Variants in IMMP2L observed in about 807,000 individuals in gnomAD.
IMMP2L encodes inner mitochondrial membrane peptidase subunit 2.
A neutral mutation model predicts 19.3 loss-of-function variants in IMMP2L; 18 were observed. That is an observed-to-expected ratio of 0.93 (90% CI 0.64 to 1.38). The LOEUF is 1.38. Ranked by LOEUF, IMMP2L falls within the 40% of genes most tolerant of loss-of-function variation. The pLI is 0.00. For synonymous variants in IMMP2L, 76 were observed against 73.0 expected (o/e 1.04, Z -0.21); for missense variants, 233 against 218.2 (o/e 1.07, Z -0.43).
intron 5 of IMMP2L, among the ~76,000 whole-genome samples, chr7:110,778,093 A>G (rs1458942875): frequency 1.3e-5 from 2 of 151,972 alleles, no homozygotes; most frequent in African/African-American, 4.8e-5. Context: ...GAGCCACCAA[A>G]TGAAGGCAAA....
chr7:111,345,314 G>A (rs1827428765), intron 3 of IMMP2L, among the ~76,000 whole-genome samples: 1 of 151,966 alleles, frequency 6.6e-6, no homozygotes, highest in Non-Finnish European at 1.5e-5. Flanking sequence ...ACATGATCAG[G>A]TTCATTTCCT....
intron 3 of IMMP2L, among the ~76,000 whole-genome samples, chr7:111,016,840 T>TAC (rs1825705289): frequency 2.0e-5 from 1 of 49,934 alleles, no homozygotes; most frequent in Non-Finnish European, 4.0e-5. Context: ...TAGTATATAT[T>TAC]ATATATAATA....
At chr7:110,987,686 A>G (rs1330193079) in intron 3 of IMMP2L, among the ~76,000 whole-genome samples, 1 of 152,212 alleles carries the variant, frequency 6.6e-6, no homozygotes. Context: ...TGAACTGTAC[A>G]CTGCCAACAG....
chr7:111,492,410 T>A (rs1273846467), intron 2 of IMMP2L: 1 of 983,726 alleles, frequency 1.0e-6, no homozygotes, highest in Non-Finnish European at 1.2e-6. Context: ...GCTCTTTGGA[T>A]GCCTCATTAT....
chr7:110,897,689 A>G (rs182433238), intron 4 of IMMP2L, among the ~76,000 whole-genome samples: 1 of 152,340 alleles, frequency 6.6e-6, no homozygotes, highest in African/African-American at 2.4e-5. Flanking sequence ...CAAAGATAAT[A>G]CTTAAAACAG....
At chr7:111,315,371 A>G (rs1423773636) in intron 3 of IMMP2L, among the ~76,000 whole-genome samples, 1 of 152,068 alleles carries the variant, frequency 6.6e-6, no homozygotes, top group African/African-American at 2.4e-5. Flanking sequence ...ATACTTTACT[A>G]AAAAGTATTT....
chr7:111,499,747 T>C (rs1170119667), intron 2 of IMMP2L, among the ~76,000 whole-genome samples: 1 of 152,128 alleles, frequency 6.6e-6, no homozygotes, highest in African/African-American at 2.4e-5. Context: ...TCTGGAATGG[T>C]TCCCTAATTT....
intron 3 of IMMP2L, among the ~76,000 whole-genome samples, chr7:111,042,873 A>G (rs1024112210): frequency 1.3e-5 from 2 of 152,202 alleles, no homozygotes; most frequent in Admixed American, 6.5e-5. Context: ...AGAAGGCTAT[A>G]TGTCTTGAAA....
chr7:110,812,141 T>G (rs1382803250), intron 5 of IMMP2L, among the ~76,000 whole-genome samples: 1 of 151,876 alleles, frequency 6.6e-6, no homozygotes, highest in Non-Finnish European at 1.5e-5. Context: ...CTAAATAGAG[T>G]GGTACAATAT....
chr7:111,073,911 A>T, intron 3 of IMMP2L, among the ~76,000 whole-genome samples: 1 of 152,178 alleles, frequency 6.6e-6, no homozygotes, highest in East Asian at 1.9e-4. Flanking sequence ...AAATTGTTGC[A>T]TATAAGTATG....
intron 3 of IMMP2L, among the ~76,000 whole-genome samples, chr7:111,468,328 CA>C (rs34481882): frequency 2.1e-4 from 32 of 150,402 alleles, no homozygotes; most frequent in Non-Finnish European, 3.7e-4. Flanking sequence ...GATTTACTTA[CA>C]AAAAAAAAGA....
At chr7:110,918,439 C>A (rs1054494720) in intron 4 of IMMP2L, among the ~76,000 whole-genome samples, 2 of 145,508 alleles carry the variant, frequency 1.4e-5, no homozygotes, top group Non-Finnish European at 3.0e-5. Flanking sequence ...ATAGGAATTT[C>A]TTTTCTTTTT....
chr7:111,429,948 A>G (rs1241146868), intron 3 of IMMP2L, among the ~76,000 whole-genome samples: 1 of 151,912 alleles, frequency 6.6e-6, no homozygotes, highest in African/African-American at 2.4e-5. Context: ...TCAAAGTAGA[A>G]GGCTTAGGGT....
chr7:111,171,582 T>C (rs943044051), intron 3 of IMMP2L, among the ~76,000 whole-genome samples: 1 of 151,576 alleles, frequency 6.6e-6, no homozygotes, highest in Non-Finnish European at 1.5e-5. Context: ...GAAAAATGTA[T>C]TACATAAAGT....
At chr7:110,835,543 A>G (rs2131406930) in intron 5 of IMMP2L, among the ~76,000 whole-genome samples, 1 of 152,272 alleles carries the variant, frequency 6.6e-6, no homozygotes, top group South Asian at 2.1e-4. Flanking sequence ...GGAGTAGCAA[A>G]GCCAGGACAA....
At chr7:110,869,399 T>C (rs1033518806) in intron 5 of IMMP2L, among the ~76,000 whole-genome samples, 1 of 152,138 alleles carries the variant, frequency 6.6e-6, no homozygotes, top group Non-Finnish European at 1.5e-5. Flanking sequence ...TAGAATGAAA[T>C]GTCTTTTTAG....
chr7:111,018,412 A>G (rs1825920717), intron 3 of IMMP2L, among the ~76,000 whole-genome samples: 1 of 152,236 alleles, frequency 6.6e-6, no homozygotes, highest in Admixed American at 6.5e-5. Context: ...TGGTGGATGA[A>G]AAGTAATGCC....
intron 3 of IMMP2L, among the ~76,000 whole-genome samples, chr7:111,056,282 T>C (rs1793503187): frequency 1.3e-5 from 2 of 152,222 alleles, no homozygotes; most frequent in African/African-American, 2.4e-5. Flanking sequence ...CTGTCAACCA[T>C]ATAGCAGAAC....
At chr7:111,505,741 G>T (rs1585410634) in intron 2 of IMMP2L, among the ~76,000 whole-genome samples, 2 of 151,532 alleles carry the variant, frequency 1.3e-5, no homozygotes. Context: ...AACACCACAT[G>T]TTCTCACTCA....
Sources: gnomAD v4.1 joint callset for allele counts (sites outside exome capture counted in the v4.1 genomes callset) on GRCh38, gnomAD v4.1.1 for gene constraint, MANE v1.5 for transcripts, NCBI Gene and HGNC (gene_info 2026-07-23, HGNC 2026-07-21) for gene names.